The following SGCZ variants were observed in gnomAD, a reference collection of about 807,000 sequenced individuals.
SGCZ encodes zeta-sarcoglycan.
In SGCZ, 40 loss-of-function variants were observed where a neutral mutation model predicts 41.3. The observed-to-expected ratio is 0.97, with a 90% CI of 0.75 to 1.26. The LOEUF is 1.26. Ranked by LOEUF, SGCZ falls within the 50% of genes most tolerant of loss-of-function variation. The pLI, the probability that SGCZ is intolerant of heterozygous loss-of-function variation, is 0.00. For missense variants in SGCZ, 552 were observed against 369.8 expected (o/e 1.49, Z -4.04); for synonymous variants, 206 against 137.5 (o/e 1.50, Z -3.49).
chr8:14,731,066 C>A (rs555766018), intron 1 of SGCZ, among the ~76,000 whole-genome samples: 1 of 151,858 alleles, frequency 6.6e-6, no homozygotes, highest in African/African-American at 2.4e-5. Flanking sequence ...AATAATTCTA[C>A]CATAAACACA....
chr8:14,284,479 T>C (rs1186017218), intron 3 of SGCZ, among the ~76,000 whole-genome samples: 1 of 152,236 alleles, frequency 6.6e-6, no homozygotes, highest in Non-Finnish European at 1.5e-5. Flanking sequence ...ATCTAGTTTA[T>C]CTTTTTTGTT....
At chr8:14,199,298 G>T (rs1309094813) in intron 4 of SGCZ, among the ~76,000 whole-genome samples, 1 of 152,124 alleles carries the variant, frequency 6.6e-6, no homozygotes, top group Admixed American at 6.5e-5. Flanking sequence ...GCACTCCCAA[G>T]CTTATTAGGA....
chr8:14,943,822 T>C (rs1009985832), intron 1 of SGCZ, among the ~76,000 whole-genome samples: 3 of 152,172 alleles, frequency 2.0e-5, no homozygotes, highest in African/African-American at 7.2e-5. Context: ...CAAGTAAGAA[T>C]AAGCAGTATT....
chr8:14,507,258 T>C (rs1457805637), intron 2 of SGCZ, among the ~76,000 whole-genome samples: 1 of 152,176 alleles, frequency 6.6e-6, no homozygotes, highest in African/African-American at 2.4e-5. Flanking sequence ...GCCAACTTGA[T>C]AAAGGCCACC....
chr8:14,417,381 T>A (rs916917459), intron 2 of SGCZ, among the ~76,000 whole-genome samples: 18 of 151,994 alleles, frequency 1.2e-4, no homozygotes, highest in African/African-American at 3.6e-4. Flanking sequence ...GAAAATAGAC[T>A]TATAATTCAA....
At chr8:14,222,881 C>T (rs1265182947) in intron 4 of SGCZ, among the ~76,000 whole-genome samples, 1 of 126,390 alleles carries the variant, frequency 7.9e-6, no homozygotes, top group East Asian at 2.7e-4. Flanking sequence ...GGGTGATCTC[C>T]ATTCACTGTA....
At chr8:14,199,785 G>T (rs1158606) in intron 4 of SGCZ, among the ~76,000 whole-genome samples, 151,478 of 152,284 alleles carry the variant, frequency 0.99, 75,344 homozygotes, top group East Asian at 1. Context: ...AGAAATAAAC[G>T]CATTTCCTTT....
chr8:14,518,995 G>T (rs191904159), intron 2 of SGCZ, among the ~76,000 whole-genome samples: 4 of 150,576 alleles, frequency 2.7e-5, no homozygotes, highest in Admixed American at 6.6e-5. Context: ...CTTGAACCCA[G>T]GAGGCATAGT....
intron 1 of SGCZ, among the ~76,000 whole-genome samples, chr8:14,797,755 G>A (rs573896520): frequency 3.9e-5 from 6 of 152,114 alleles, no homozygotes; most frequent in Non-Finnish European, 7.4e-5. Flanking sequence ...GGTTTCCTGG[G>A]GTGGGTCCAG....
Position 14,221,916 on chromosome 8 carries a change from A to T in SGCZ, c.424+15676T>A, listed in dbSNP as rs908752170. ...GTGGAGGTTGCAGTGAGCCGAGATCATGCCACTGCACTCCAGCCTGGGTGA... is the reference window on the plus strand; with the variant it reads ...GTGGAGGTTGCAGTGAGCCGAGATCTTGCCACTGCACTCCAGCCTGGGTGA... On this transcript the variant is annotated intron_variant, in intron 4 of 7. Coordinates refer to ENST00000382080, the MANE Select transcript of SGCZ (RefSeq NM_139167.4). Among the ~76,000 whole-genome samples, 16 of 151,652 alleles carry T rather than the reference A, an allele frequency of 1.1e-4. 3 individuals are homozygous for T. Among genetic ancestry groups the T allele is most frequent in the Admixed American group, 9.9e-4 (15 of 15,224 alleles).
rs562028390 is a variant in SGCZ, at chr8:14,563,699, T to C, written c.40-8773A>G. ...GGTACATAGCTTTTAAAAATCCAAG[T>C]TTCATCAAGAAGACAAAAAGAACTC... On this transcript the variant is annotated intron_variant, in intron 1 of 7. Coordinates refer to ENST00000382080, the MANE Select transcript of SGCZ (RefSeq NM_139167.4). 1.8e-4 allele frequency among the ~76,000 whole-genome samples: 27 copies of C among 152,182 alleles called. No individual in the cohort carries two copies. The South Asian group carries it at 5.4e-3, about 30-fold the overall frequency.
At chr8:14,276,260 T>C (rs1291050510) in intron 3 of SGCZ, among the ~76,000 whole-genome samples, 1 of 152,184 alleles carries the variant, frequency 6.6e-6, no homozygotes, top group East Asian at 1.9e-4. Context: ...GTGTATTTAC[T>C]TGAGCCTCAA....
At chr8:14,427,642 G>A (rs181626815) in intron 2 of SGCZ, among the ~76,000 whole-genome samples, 212 of 152,252 alleles carry the variant, frequency 1.4e-3, no homozygotes, top group Non-Finnish European at 2.7e-3. Flanking sequence ...GGGCTTTACA[G>A]GAGTTAGGCG....
At position 14,837,111 on chromosome 8, in the gene SGCZ, T is replaced by A. The variant is rs925898689; in HGVS notation, c.40-282185A>T. Among the ~76,000 whole-genome samples, 7 of 152,326 alleles carry A rather than the reference T, an allele frequency of 4.6e-5. No homozygotes were observed. The East Asian group carries it at 1.4e-3, about 29-fold the overall frequency. On this transcript the variant is annotated intron_variant, in intron 1 of 7. Coordinates refer to ENST00000382080, the MANE Select transcript of SGCZ (RefSeq NM_139167.4). ...TGCCAGACACAAATTTTGTCACTGATAATGCAGCAGGCAATAAAACAGGCC... is the reference window on the plus strand; with the variant it reads ...TGCCAGACACAAATTTTGTCACTGAAAATGCAGCAGGCAATAAAACAGGCC...
At chr8:14,092,931 C>T (rs1801733457) in intron 7 of SGCZ, among the ~76,000 whole-genome samples, 1 of 151,986 alleles carries the variant, frequency 6.6e-6, no homozygotes, top group Non-Finnish European at 1.5e-5. Context: ...TACCTATGTT[C>T]AATACCTACT....
At chr8:15,000,366 T>C (rs1802373214) in intron 1 of SGCZ, among the ~76,000 whole-genome samples, 1 of 152,168 alleles carries the variant, frequency 6.6e-6, no homozygotes, top group Non-Finnish European at 1.5e-5. Context: ...TTAGAGGGTG[T>C]CCTAGTGATA....
intron 1 of SGCZ, among the ~76,000 whole-genome samples, chr8:15,165,937 T>C (rs1799652165): frequency 6.6e-6 from 1 of 152,230 alleles, no homozygotes; most frequent in Non-Finnish European, 1.5e-5. Context: ...AATCTTCTTT[T>C]TGGCAAAATT....
chr8:15,199,254 G>A (rs1307350374), intron 1 of SGCZ, among the ~76,000 whole-genome samples: 1 of 152,118 alleles, frequency 6.6e-6, no homozygotes, highest in African/African-American at 2.4e-5. Context: ...TAACTGCATT[G>A]TTAATCTTTT....
chr8:14,105,157 A>G (rs112731776), intron 6 of SGCZ, among the ~76,000 whole-genome samples: 6 of 152,144 alleles, frequency 3.9e-5, no homozygotes, highest in African/African-American at 1.4e-4. Flanking sequence ...CCTAGTACAA[A>G]ACAGTATCAT....
Sources: gnomAD v4.1 joint callset for allele counts (sites outside exome capture counted in the v4.1 genomes callset) on GRCh38, gnomAD v4.1.1 for gene constraint, MANE v1.5 for transcripts, NCBI Gene and HGNC (gene_info 2026-07-23, HGNC 2026-07-21) for gene names.